The following SOX5 variants were observed in gnomAD, a reference collection of about 807,000 sequenced individuals.
SOX5 encodes transcription factor SOX-5.
SOX5 carries 9 observed loss-of-function variants against 92.0 expected under a neutral mutation model. That is an observed-to-expected ratio of 0.10 (90% CI 0.06 to 0.17). SOX5 has a LOEUF of 0.17. Among genes scored for constraint, SOX5 ranks in the 10% least tolerant of loss-of-function variants. The pLI, the probability that SOX5 is intolerant of heterozygous loss-of-function variation, is 1.00. For missense variants in SOX5, 642 were observed against 944.5 expected, an observed-to-expected ratio of 0.68 and a Z score of 4.20; for synonymous variants, 344 against 336.3, an observed-to-expected ratio of 1.02 and a Z score of -0.25.
At chr12:24,468,916 T>G (rs1402853985) in intron 1 of SOX5, among the ~76,000 whole-genome samples, 1 of 152,170 alleles carries the variant, frequency 6.6e-6, no homozygotes, top group Non-Finnish European at 1.5e-5. Context: ...CAGCGACAGG[T>G]TTCATGGAAG....
intron 4 of SOX5, among the ~76,000 whole-genome samples, chr12:24,000,859 T>C (rs554355230): frequency 7.2e-5 from 11 of 152,278 alleles, no homozygotes; most frequent in African/African-American, 2.2e-4. Flanking sequence ...GGAAAAGATA[T>C]ATCGTGCATA....
chr12:23,555,571 T>C (rs1945016129), intron 11 of SOX5, among the ~76,000 whole-genome samples: 1 of 151,700 alleles, frequency 6.6e-6, no homozygotes, highest in African/African-American at 2.4e-5. Flanking sequence ...CTGCAAGTAG[T>C]GGCACTGTGA....
chr12:24,168,045 G>C lies in SOX5; in HGVS notation c.-2+45298C>G, dbSNP rs142394547. Among the ~76,000 whole-genome samples the C allele has an allele frequency of 1.8e-3, 274 of 152,300 alleles. 2 individuals are homozygous for C. The highest frequency in any genetic ancestry group is 6.3e-3 in the African/African-American group (261 of 41,574). On this transcript the variant is annotated intron_variant, in intron 4 of 4. Transcript: ENST00000446891. Reference sequence around the variant, plus strand: ...ATTCTTTTTTTCTTTTCAAAGAAGGGAAGGCAAGGGGCTGAGGGGAGGGAA... The same window carrying C: ...ATTCTTTTTTTCTTTTCAAAGAAGGCAAGGCAAGGGGCTGAGGGGAGGGAA...
intron 1 of SOX5, among the ~76,000 whole-genome samples, chr12:24,459,257 A>G (rs1044058775): frequency 6.6e-6 from 1 of 152,158 alleles, no homozygotes; most frequent in Non-Finnish European, 1.5e-5. Flanking sequence ...CGCACGCTCC[A>G]TCAAGTGATG....
chr12:24,094,109 G>A (rs1483617241), intron 4 of SOX5, among the ~76,000 whole-genome samples: 4 of 151,982 alleles, frequency 2.6e-5, no homozygotes, highest in Non-Finnish European at 5.9e-5. Flanking sequence ...ACCATGCCCG[G>A]CTAATTTTTG....
chr12:24,393,583 T>G lies in SOX5; in HGVS notation c.-250-24944A>C, dbSNP rs1487859635. On this transcript the variant is annotated intron_variant, in intron 1 of 4. Transcript: ENST00000446891. The surrounding 1 kb of genome is among the most constrained non-coding windows in gnomAD (Gnocchi z 5.0). ...CTGTGAAAAACTTACAATAAAAACA[T>G]TAAGTAACTAAGCAAAAAATTATGA... Among the ~76,000 whole-genome samples, 3 of 151,956 alleles carry G rather than the reference T, an allele frequency of 2.0e-5. No homozygotes were observed. The East Asian group carries it at 5.8e-4, about 29-fold the overall frequency.
chr12:24,067,035 T>C (rs765963724), intron 4 of SOX5, among the ~76,000 whole-genome samples: 1 of 152,222 alleles, frequency 6.6e-6, no homozygotes, highest in Non-Finnish European at 1.5e-5. Flanking sequence ...CAACCCATTT[T>C]AATTTGTCTA....
chr12:24,319,587 T>G (rs1950019388), intron 2 of SOX5, among the ~76,000 whole-genome samples: 1 of 152,226 alleles, frequency 6.6e-6, no homozygotes, highest in African/African-American at 2.4e-5. Context: ...CTATCTGAAT[T>G]TGTGAAGTAA....
intron 2 of SOX5, among the ~76,000 whole-genome samples, chr12:24,347,947 T>G (rs1047407394): frequency 6.7e-6 from 1 of 149,668 alleles, no homozygotes; most frequent in Non-Finnish European, 1.5e-5. Flanking sequence ...ATAAAATGAA[T>G]GCAGTGTGTT....
intron 4 of SOX5, among the ~76,000 whole-genome samples, chr12:24,072,483 T>TATGAC (rs1941923146): frequency 6.6e-6 from 1 of 152,172 alleles, no homozygotes; most frequent in Admixed American, 6.6e-5. Context: ...TTGAGACCTG[T>TATGAC]TTAGAAGTCA....
intron 4 of SOX5, among the ~76,000 whole-genome samples, chr12:23,987,229 G>A (rs1950139309): frequency 6.6e-6 from 1 of 152,178 alleles, no homozygotes. Flanking sequence ...TAAAATGAAT[G>A]ATGTCATCAA....
intron 4 of SOX5, among the ~76,000 whole-genome samples, chr12:23,956,778 T>G (rs1946342641): frequency 6.6e-6 from 1 of 152,030 alleles, no homozygotes; most frequent in Admixed American, 6.5e-5. Flanking sequence ...CTCCACCTCC[T>G]GGGTTCAAGT....
chr12:24,247,032 A>T (rs923647420), intron 3 of SOX5, among the ~76,000 whole-genome samples: 4 of 152,130 alleles, frequency 2.6e-5, no homozygotes, highest in African/African-American at 9.7e-5. Flanking sequence ...CCTGTTTCTT[A>T]AGAGAAGAAA....
chr12:24,019,713 T>TA (rs1354514990), intron 4 of SOX5, among the ~76,000 whole-genome samples: 6 of 152,218 alleles, frequency 3.9e-5, no homozygotes, highest in South Asian at 2.1e-4. Flanking sequence ...CAACTGTGGT[T>TA]AATTAAATGT....
intron 10 of SOX5, among the ~76,000 whole-genome samples, chr12:23,568,995 C>T (rs1234070797): frequency 6.6e-6 from 1 of 151,772 alleles, no homozygotes; most frequent in Non-Finnish European, 1.5e-5. Flanking sequence ...TCAAAATCAG[C>T]CTGGGCAACA....
chr12:24,414,727 C>T (rs1964712304), intron 1 of SOX5, among the ~76,000 whole-genome samples: 1 of 152,176 alleles, frequency 6.6e-6, no homozygotes, highest in South Asian at 2.1e-4. Flanking sequence ...GCCACTGAGT[C>T]CAACTCTTTA....
chr12:23,942,850 T>C (rs1569166886), intron 1 of SOX5, among the ~76,000 whole-genome samples: 1 of 152,054 alleles, frequency 6.6e-6, no homozygotes, highest in South Asian at 2.1e-4. Flanking sequence ...GAGCTACACA[T>C]ACATTTTTAA....
chr12:24,068,704 G>GTGTATATATA (rs1444359956), intron 4 of SOX5, among the ~76,000 whole-genome samples: 8 of 74,316 alleles, frequency 1.1e-4, no homozygotes, highest in East Asian at 1.1e-3. Context: ...GTGTGTGTGT[G>GTGTATATATA]TATATATATA....
intron 4 of SOX5, among the ~76,000 whole-genome samples, chr12:24,165,918 T>C (rs1406277644): frequency 1.3e-5 from 2 of 151,934 alleles, no homozygotes; most frequent in Non-Finnish European, 2.9e-5. Context: ...ATATATGAAA[T>C]ATGTGAGATT....
Sources: gnomAD v4.1 joint callset for allele counts (sites outside exome capture counted in the v4.1 genomes callset) on GRCh38, gnomAD v4.1.1 for gene constraint, Gnocchi (gnomAD v3.1) non-coding constraint, MANE v1.5 for transcripts, NCBI Gene and HGNC (gene_info 2026-07-23, HGNC 2026-07-21) for gene names.